Variants in RFX3 observed in about 807,000 individuals in gnomAD.
RFX3 encodes regulatory factor X3.
Under a neutral mutation model 98.6 loss-of-function variants are expected in RFX3, and 14 were observed. That is an observed-to-expected ratio of 0.14 (90% CI 0.09 to 0.22). The LOEUF is 0.22. Among genes scored for constraint, RFX3 ranks in the 10% least tolerant of loss-of-function variants. The pLI is 1.00. For missense variants in RFX3, 639 were observed against 926.9 expected, an observed-to-expected ratio of 0.69 and a Z score of 4.03; for synonymous variants, 383 against 328.4, an observed-to-expected ratio of 1.17 and a Z score of -1.80.
chr9:3,473,139 C>T (rs578175967), intron 1 of RFX3, among the ~76,000 whole-genome samples: 3 of 152,278 alleles, frequency 2.0e-5, no homozygotes, highest in Admixed American at 1.3e-4. Flanking sequence ...TAGGCAAACA[C>T]TTCACCTGTG....
chr9:3,480,511 G>T (rs931862151), intron 1 of RFX3, among the ~76,000 whole-genome samples: 8 of 152,198 alleles, frequency 5.3e-5, no homozygotes, highest in Non-Finnish European at 8.8e-5. Context: ...ACACGAGCAT[G>T]AATGCCATCA....
chr9:3,515,989 T>C (rs1380695844), intron 1 of RFX3, among the ~76,000 whole-genome samples: 4 of 152,204 alleles, frequency 2.6e-5, no homozygotes, highest in African/African-American at 7.2e-5. Flanking sequence ...CTTCCTCTTT[T>C]AGCCTGCTAT....
chr9:3,348,717 G>C (rs143925492), intron 2 of RFX3, among the ~76,000 whole-genome samples: 1 of 151,836 alleles, frequency 6.6e-6, no homozygotes, highest in African/African-American at 2.4e-5. Context: ...GTTTTTGTTT[G>C]TATCCTTACG....
Position 3,311,640 on chromosome 9 carries a change from TTTGGG to T in RFX3, c.475-10025_475-10021del, listed in dbSNP as rs373178776. On this transcript the variant is annotated intron_variant, in intron 4 of 16. Coordinates refer to ENST00000617270, the MANE Select transcript of RFX3 (RefSeq NM_001282116.2). ...TGGCTCTCACCTGTAATCCCAGCAC[TTTGGG>T]AGGCCAAGACAGGTGGATCACCTGA... is the stretch of plus-strand genomic sequence containing the variant. Among the ~76,000 whole-genome samples, 1,226 of 152,244 alleles carry T rather than the reference TTTGGG, an allele frequency of 8.1e-3. 10 individuals are homozygous for T. The highest frequency in any genetic ancestry group is 0.028 in the African/African-American group (1,159 of 41,552).
chr9:3,420,547 G>A (rs977790750), intron 1 of RFX3, among the ~76,000 whole-genome samples: 1 of 152,128 alleles, frequency 6.6e-6, no homozygotes, highest in Non-Finnish European at 1.5e-5. Flanking sequence ...ACTGAAAAAG[G>A]TTAAGAGACT....
chr9:3,424,009 T>C (rs936221657), intron 1 of RFX3, among the ~76,000 whole-genome samples: 31 of 150,934 alleles, frequency 2.1e-4, no homozygotes, highest in African/African-American at 3.6e-4. Context: ...TAGCCGGGCG[T>C]GGTGGCAGGT....
At chr9:3,316,733 C>T (rs1830644016) in intron 4 of RFX3, among the ~76,000 whole-genome samples, 2 of 152,042 alleles carry the variant, frequency 1.3e-5, no homozygotes, top group South Asian at 4.1e-4. Flanking sequence ...ACACCAATGA[C>T]AGAGAGCCAA....
intron 1 of RFX3, among the ~76,000 whole-genome samples, chr9:3,516,020 C>G (rs1818122548): frequency 6.6e-6 from 1 of 151,878 alleles, no homozygotes; most frequent in Non-Finnish European, 1.5e-5. Flanking sequence ...CTTGAGAAGT[C>G]TACTAACCAA....
At chr9:3,401,164 T>C (rs1400900555) in intron 1 of RFX3, among the ~76,000 whole-genome samples, 1 of 152,156 alleles carries the variant, frequency 6.6e-6, no homozygotes, top group Non-Finnish European at 1.5e-5. Flanking sequence ...ACCCAACTAA[T>C]ACGTATTTTT....
intron 1 of RFX3, among the ~76,000 whole-genome samples, chr9:3,471,779 C>T (rs1190173081): frequency 6.6e-6 from 1 of 152,184 alleles, no homozygotes; most frequent in Non-Finnish European, 1.5e-5. Flanking sequence ...ATAAATCAGC[C>T]TTCTCCTTAC....
chr9:3,297,789 A>G (rs150076850), intron 5 of RFX3, among the ~76,000 whole-genome samples: 1,602 of 152,138 alleles, frequency 0.011, 16 homozygotes, highest in African/African-American at 0.021. Flanking sequence ...AGTACATAAA[A>G]TAGACGGCTA....
chr9:3,475,007 G>T (rs1051215355), intron 1 of RFX3, among the ~76,000 whole-genome samples: 3 of 151,370 alleles, frequency 2.0e-5, no homozygotes, highest in African/African-American at 4.9e-5. Flanking sequence ...GCTGAGGCAG[G>T]AAGATTGCTT....
At chr9:3,467,057 T>C (rs895613887) in intron 1 of RFX3, among the ~76,000 whole-genome samples, 1 of 143,038 alleles carries the variant, frequency 7.0e-6, no homozygotes, top group African/African-American at 2.6e-5. Flanking sequence ...TGTATATACA[T>C]ACATATATAT....
At chr9:3,325,675 T>C (rs888943236) in intron 4 of RFX3, among the ~76,000 whole-genome samples, 6 of 152,188 alleles carry the variant, frequency 3.9e-5, no homozygotes, top group African/African-American at 1.4e-4. Context: ...ATAAGGCTTT[T>C]TAAAGCAAGT....
intron 1 of RFX3, among the ~76,000 whole-genome samples, chr9:3,472,112 T>C (rs1254511568): frequency 6.6e-6 from 1 of 152,216 alleles, no homozygotes; most frequent in Non-Finnish European, 1.5e-5. Flanking sequence ...GGCCATCTGG[T>C]TCTGTAACGC....
At chr9:3,363,987 T>C (rs1360265429) in intron 2 of RFX3, among the ~76,000 whole-genome samples, 4 of 152,222 alleles carry the variant, frequency 2.6e-5, no homozygotes, top group African/African-American at 9.6e-5. Flanking sequence ...GCAATTCCCC[T>C]GTCTCAGCCT....
chr9:3,470,377 C>A (rs991481845), intron 1 of RFX3, among the ~76,000 whole-genome samples: 45 of 149,844 alleles, frequency 3.0e-4, no homozygotes, highest in Middle Eastern at 3.5e-3. Context: ...TGCAGTGGTG[C>A]GATCTTGACT....
intron 1 of RFX3, among the ~76,000 whole-genome samples, chr9:3,446,773 G>C (rs1846092956): frequency 6.6e-6 from 1 of 151,900 alleles, no homozygotes; most frequent in African/African-American, 2.4e-5. Flanking sequence ...TTTGGTTTGA[G>C]GGGCTTCTTT....
chr9:3,420,828 T>C (rs1843378357), intron 1 of RFX3: 1 of 985,172 alleles, frequency 1.0e-6, no homozygotes, highest in Admixed American at 6.1e-5. Flanking sequence ...TGATCCAAGA[T>C]GTCAGAAAGC....
Sources: allele counts gnomAD v4.1 joint callset (sites outside exome capture counted in the v4.1 genomes callset), GRCh38; gene constraint gnomAD v4.1.1; transcripts MANE v1.5; gene names NCBI Gene and HGNC (gene_info 2026-07-23, HGNC 2026-07-21).